The following SFMBT1 variants were observed in gnomAD, a reference collection of about 807,000 sequenced individuals.
SFMBT1 encodes the protein scm-like with four MBT domains protein 1.
In SFMBT1, 32 loss-of-function variants were observed where a neutral mutation model predicts 108.7. The observed-to-expected ratio is 0.29, with a 90% CI of 0.22 to 0.40. The LOEUF is 0.40. Among genes scored for constraint, SFMBT1 ranks in the 10% least tolerant of loss-of-function variants. The pLI, the probability that SFMBT1 is intolerant of heterozygous loss-of-function variation, is 1.00. For missense variants in SFMBT1, 816 were observed against 1,059.6 expected, an observed-to-expected ratio of 0.77 and a Z score of 3.19; for synonymous variants, 348 against 369.5, an observed-to-expected ratio of 0.94 and a Z score of 0.67.
At chr3:52,968,345 G>C (rs1559530841) in intron 2 of SFMBT1, among the ~76,000 whole-genome samples, 1 of 151,460 alleles carries the variant, frequency 6.6e-6, no homozygotes, top group Non-Finnish European at 1.5e-5. Context: ...TTTTGACTGA[G>C]GGGATGGTTC....
At chr3:52,953,883 A>G (rs1243093922) in intron 3 of SFMBT1, among the ~76,000 whole-genome samples, 2 of 151,802 alleles carry the variant, frequency 1.3e-5, no homozygotes, top group East Asian at 1.9e-4. Flanking sequence ...TAATCCCAGC[A>G]CTTTGGGAGG....
chr3:53,006,413 G>A (rs1559546729), intron 1 of SFMBT1, among the ~76,000 whole-genome samples: 5 of 152,142 alleles, frequency 3.3e-5, no homozygotes, highest in South Asian at 2.1e-4. Flanking sequence ...GGCAGATCAC[G>A]AGGTCAGGAG....
chr3:53,023,144 G>A (rs1427426305), intron 1 of SFMBT1, among the ~76,000 whole-genome samples: 3 of 152,164 alleles, frequency 2.0e-5, no homozygotes, highest in African/African-American at 7.2e-5. Context: ...AATGACAGCA[G>A]GGTCCTGAGT....
chr3:52,940,243 C>T (rs1432823684), intron 4 of SFMBT1, among the ~76,000 whole-genome samples: 1 of 152,190 alleles, frequency 6.6e-6, no homozygotes, highest in Non-Finnish European at 1.5e-5. Flanking sequence ...CACAGACATC[C>T]CAGGACCCTA....
At chr3:52,981,164 GAAAA>G (rs35322172) in intron 1 of SFMBT1, among the ~76,000 whole-genome samples, 3 of 107,458 alleles carry the variant, frequency 2.8e-5, no homozygotes, top group Admixed American at 9.1e-5. Flanking sequence ...TTCCATCTCA[GAAAA>G]AAAAAAAAAA....
At chr3:52,933,788 GA>G (rs1363879324) in intron 5 of SFMBT1, among the ~76,000 whole-genome samples, 2 of 152,064 alleles carry the variant, frequency 1.3e-5, no homozygotes, top group African/African-American at 4.8e-5. Flanking sequence ...AAAACTCTTA[GA>G]AAATACAGGA....
chr3:52,926,068 C>T lies in SFMBT1; in HGVS notation c.1094G>A (p.Cys365Tyr). ...CCTCTGGGGAGCAGCTTCAGCACCA[C>T]ACTGTTTGAGGTAGTCAGCCCAGTC... ...DFDWADYLKQ[C>Y]GAEAAPQRCF... The change falls in exon 10 of 21, where the codon TGT becomes TAT. Residue 365 changes from cysteine to tyrosine, a missense_variant. Coordinates refer to ENST00000394752, the MANE Select transcript of SFMBT1 (RefSeq NM_016329.4). The T allele has an allele frequency of 1.2e-6, 2 of 1,602,582 alleles. No individual in the cohort carries two copies. The highest frequency in any genetic ancestry group is 1.7e-5 in the Admixed American group (1 of 57,434).
chr3:52,939,738 TTTTTA>T (rs1371421787), intron 4 of SFMBT1, among the ~76,000 whole-genome samples: 1 of 152,166 alleles, frequency 6.6e-6, no homozygotes, highest in Non-Finnish European at 1.5e-5. Context: ...CTTTGTTTGG[TTTTTA>T]TTTTAAAATT....
At chr3:52,927,313 T>C (rs1702686795) in intron 9 of SFMBT1, among the ~76,000 whole-genome samples, 1 of 152,228 alleles carries the variant, frequency 6.6e-6, no homozygotes, top group Non-Finnish European at 1.5e-5. Flanking sequence ...GCTCAATGCC[T>C]GGCTTACAGC....
At chr3:53,031,991 C>T (rs1286314220) in intron 1 of SFMBT1, among the ~76,000 whole-genome samples, 1 of 152,132 alleles carries the variant, frequency 6.6e-6, no homozygotes, top group Non-Finnish European at 1.5e-5. Flanking sequence ...GAAAAAAGTG[C>T]CTCTGGAATG....
chr3:52,963,985 GA>G (rs1258023721), intron 2 of SFMBT1, among the ~76,000 whole-genome samples: 1 of 151,976 alleles, frequency 6.6e-6, no homozygotes, highest in African/African-American at 2.4e-5. Context: ...AATCAAAGAA[GA>G]AAAAACTTTG....
intron 1 of SFMBT1, among the ~76,000 whole-genome samples, chr3:53,026,548 C>G (rs1250526693): frequency 6.6e-6 from 1 of 152,074 alleles, no homozygotes; most frequent in Non-Finnish European, 1.5e-5. Flanking sequence ...GCTGGAATTC[C>G]TACCAAGCTG....
intron 1 of SFMBT1, among the ~76,000 whole-genome samples, chr3:52,988,479 G>A (rs1705007060): frequency 2.0e-5 from 3 of 152,158 alleles, no homozygotes; most frequent in Admixed American, 6.5e-5. Context: ...ATGCTGCTGC[G>A]AGGGTATCCT....
intron 4 of SFMBT1, among the ~76,000 whole-genome samples, chr3:52,936,587 T>C (rs1399101748): frequency 6.6e-6 from 1 of 152,204 alleles, no homozygotes; most frequent in Non-Finnish European, 1.5e-5. Context: ...TTTTGCTTTT[T>C]GGTATGACAA....
At chr3:53,006,365 T>A (rs937661969) in intron 1 of SFMBT1, among the ~76,000 whole-genome samples, 1 of 152,090 alleles carries the variant, frequency 6.6e-6, no homozygotes. Flanking sequence ...GCGCGGTGGC[T>A]CACGCCTGTA....
intron 10 of SFMBT1, among the ~76,000 whole-genome samples, chr3:52,923,073 T>G (rs1702564118): frequency 6.6e-6 from 1 of 152,114 alleles, no homozygotes; most frequent in South Asian, 2.1e-4. Flanking sequence ...AGCTCTTCCT[T>G]TCAGTCACCC....
intron 2 of SFMBT1, among the ~76,000 whole-genome samples, chr3:52,965,433 A>G (rs1057416143): frequency 2.4e-4 from 37 of 152,034 alleles, no homozygotes. Flanking sequence ...AAGGCAAAAA[A>G]AAAAAAAATC....
chr3:53,034,092 A>T lies in SFMBT1; in HGVS notation c.-131+11724T>A, dbSNP rs898790848. Among the ~76,000 whole-genome samples, 22 of 151,408 alleles carry T rather than the reference A, an allele frequency of 1.5e-4. No individual in the cohort carries two copies. The South Asian group carries it at 2.1e-3, about 14-fold the overall frequency. On this transcript the variant is annotated intron_variant, in intron 1 of 20. Coordinates refer to ENST00000394752, the MANE Select transcript of SFMBT1 (RefSeq NM_016329.4). ...TCTCCAAAAAAAAAAAAAAAAAAAA[A>T]AAAATCAACAATTCCTTAATATCAT...
intron 2 of SFMBT1, among the ~76,000 whole-genome samples, chr3:52,957,145 T>C (rs1222820557): frequency 6.6e-6 from 1 of 152,180 alleles, no homozygotes; most frequent in East Asian, 1.9e-4. Flanking sequence ...ACAAAATCAA[T>C]GTGCAAAACT....
Sources: allele counts gnomAD v4.1 joint callset (sites outside exome capture counted in the v4.1 genomes callset), GRCh38; gene constraint gnomAD v4.1.1; transcripts MANE v1.5; gene names NCBI Gene and HGNC (gene_info 2026-07-23, HGNC 2026-07-21).